The following SYBU variants were observed in gnomAD, a reference collection of about 807,000 sequenced individuals.
SYBU encodes syntabulin.
A neutral mutation model predicts 35.9 loss-of-function variants in SYBU; 21 were observed. The observed-to-expected ratio is 0.58, with a 90% CI of 0.41 to 0.84. The LOEUF (loss-of-function observed/expected upper bound fraction) is 0.84. Ranked by LOEUF, SYBU falls within the 40% of genes least tolerant of loss-of-function variation. The pLI is 0.00. For synonymous variants in SYBU, 319 were observed against 324.3 expected, an observed-to-expected ratio of 0.98 and a Z score of 0.18; for missense variants, 768 against 848.2, an observed-to-expected ratio of 0.91 and a Z score of 1.17.
At chr8:109,690,281 C>G (rs1032033833) in intron 1 of SYBU, among the ~76,000 whole-genome samples, 2 of 152,194 alleles carry the variant, frequency 1.3e-5, no homozygotes, top group Admixed American at 6.5e-5. Context: ...TCCAAATGTA[C>G]AAGTGGAGAA....
At chr8:109,638,297 C>T (rs1479991458) in intron 2 of SYBU, among the ~76,000 whole-genome samples, 1 of 152,174 alleles carries the variant, frequency 6.6e-6, no homozygotes, top group Non-Finnish European at 1.5e-5. Context: ...GACACACTCA[C>T]CTAGGTCATC....
chr8:109,678,661 G>T (rs566142305), intron 1 of SYBU, among the ~76,000 whole-genome samples: 1 of 151,946 alleles, frequency 6.6e-6, no homozygotes, highest in Admixed American at 6.6e-5. Flanking sequence ...GGATGGTCTC[G>T]ATCTCCTGAC....
intron 1 of SYBU, among the ~76,000 whole-genome samples, chr8:109,665,625 G>T (rs1216930560): frequency 6.6e-6 from 1 of 152,184 alleles, no homozygotes; most frequent in Non-Finnish European, 1.5e-5. Flanking sequence ...TGACCATGAA[G>T]CTCTCTTTGG....
At position 109,584,859 on chromosome 8, in the gene SYBU, T is replaced by G. The variant is rs1051452565; in HGVS notation, c.530+1201A>C. On this transcript the variant is annotated intron_variant, in intron 4 of 6. Transcript: ENST00000276646. The surrounding 1 kb of genome is among the most constrained non-coding windows in gnomAD (Gnocchi z 4.0). ...GAAGAGACCTTAAAAAGTCACACAG[T>G]ACAACTGTCTTTTGGATACCGTGGC... Among the ~76,000 whole-genome samples the G allele has an allele frequency of 6.6e-6, 1 of 152,140 alleles. No individual in the cohort carries two copies. The highest frequency in any genetic ancestry group is 2.1e-4 in the South Asian group (1 of 4,826).
At chr8:109,683,153 GA>G (rs1282898779), upstream of SYBU, among the ~76,000 whole-genome samples, 1 of 152,236 alleles carries the variant, frequency 6.6e-6, no homozygotes, top group Non-Finnish European at 1.5e-5. Flanking sequence ...AGAGCTGTGA[GA>G]AGAGGGCCAC....
chr8:109,615,649 A>C (rs116987980), intron 3 of SYBU, among the ~76,000 whole-genome samples: 376 of 152,344 alleles, frequency 2.5e-3, no homozygotes, highest in Non-Finnish European at 4.4e-3. Flanking sequence ...AAATATGAAT[A>C]AATAAAAAGA....
intron 1 of SYBU, among the ~76,000 whole-genome samples, chr8:109,651,448 CTTTTTTTT>C (rs535652540): frequency 1.6e-5 from 1 of 64,496 alleles, no homozygotes; most frequent in South Asian, 7.3e-4. Flanking sequence ...GAAATTGAGA[CTTTTTTTT>C]TTTTTTTTTT....
intron 6 of SYBU, among the ~76,000 whole-genome samples, chr8:109,577,537 G>A (rs967816994): frequency 2.0e-5 from 3 of 151,964 alleles, no homozygotes; most frequent in African/African-American, 4.8e-5. Context: ...GATTGTTCCC[G>A]CACGTGTTTT....
At chr8:109,631,227 T>G (rs190854000) in intron 2 of SYBU, among the ~76,000 whole-genome samples, 3 of 152,276 alleles carry the variant, frequency 2.0e-5, no homozygotes, top group Admixed American at 1.3e-4. Context: ...TCTTTTTTCT[T>G]TATAGATGGG....
At chr8:109,639,331 C>T (rs1814591557) in intron 2 of SYBU, among the ~76,000 whole-genome samples, 1 of 152,108 alleles carries the variant, frequency 6.6e-6, no homozygotes, top group Non-Finnish European at 1.5e-5. Flanking sequence ...AAGCTCATTA[C>T]ATTATCTTTT....
At chr8:109,597,478 G>A (rs752167086) in intron 3 of SYBU, among the ~76,000 whole-genome samples, 1 of 152,132 alleles carries the variant, frequency 6.6e-6, no homozygotes, top group Non-Finnish European at 1.5e-5. Context: ...AGCACTTTGG[G>A]AGGCTGAGAT....
intron 3 of SYBU, among the ~76,000 whole-genome samples, chr8:109,588,270 T>C (rs988245653): frequency 6.6e-6 from 1 of 152,152 alleles, no homozygotes; most frequent in East Asian, 1.9e-4. Flanking sequence ...TTGCGGAAAA[T>C]CCATTGTTAC....
intron 1 of SYBU, among the ~76,000 whole-genome samples, chr8:109,669,614 C>T (rs986027147): frequency 1.3e-5 from 2 of 152,096 alleles, no homozygotes; most frequent in Non-Finnish European, 2.9e-5. Context: ...CAATTAAATG[C>T]TTCTTTGGGT....
In SYBU at chr8:109,575,414, T is replaced by C. The variant is rs185384946; in HGVS notation, c.1484A>G (p.Tyr495Cys). 1 of 1,614,074 alleles carries C rather than the reference T, an allele frequency of 6.2e-7. No homozygotes were observed. ...ERAVQTDVVP[Y>C]SPAISELIQS... ...AATGAGCTCTGAGATGGCTGGGCTG[T>C]AGGGCACCACGTCGGTCTGAACGGC... is the stretch of plus-strand genomic sequence containing the variant. The change falls in exon 7 of 7, where the codon TAC becomes TGC. Residue 495 changes from tyrosine to cysteine, a missense_variant. Physicochemically the swap from Tyr to Cys is radical, Grantham distance 194. Coordinates refer to ENST00000276646, the MANE Select transcript of SYBU (RefSeq NM_001099754.2).
chr8:109,667,612 AT>A (rs1816805007), intron 1 of SYBU, among the ~76,000 whole-genome samples: 1 of 151,736 alleles, frequency 6.6e-6, no homozygotes, highest in East Asian at 1.9e-4. Context: ...CAAATTTTAC[AT>A]TTCTTGTTTT....
chr8:109,622,560 T>C (rs1278444292), intron 2 of SYBU, among the ~76,000 whole-genome samples: 8 of 152,262 alleles, frequency 5.3e-5, no homozygotes, highest in African/African-American at 1.9e-4. Context: ...CTGAGAATAG[T>C]AAAGCCAAGC....
rs571671546 is a variant in SYBU, at chr8:109,662,129, T to C, written c.-129+18582A>G. Among the ~76,000 whole-genome samples the C allele has an allele frequency of 9.2e-5, 14 of 152,340 alleles. No homozygotes were observed. The South Asian group carries it at 2.1e-3, about 23-fold the overall frequency. The stretch of plus-strand genomic sequence containing the variant: ...TTAGGAAGTGAGAAAGAGAATAGCA[T>C]AGATGTTAAGACCATTGGATCTAGA... On this transcript the variant is annotated intron_variant, in intron 1 of 5. Coordinates refer to the SYBU transcript ENST00000408889.
chr8:109,687,663 T>A (rs1332500442), intron 1 of SYBU, among the ~76,000 whole-genome samples: 1 of 152,220 alleles, frequency 6.6e-6, no homozygotes, highest in Non-Finnish European at 1.5e-5. Context: ...CCTGGGCTTC[T>A]AAGAATTACT....
chr8:109,653,109 T>A (rs1282060094), intron 1 of SYBU, among the ~76,000 whole-genome samples: 1 of 152,170 alleles, frequency 6.6e-6, no homozygotes, highest in Admixed American at 6.5e-5. Flanking sequence ...AGCTGAACAG[T>A]CAGGTAAATC....
Sources: gnomAD v4.1 joint callset for allele counts (sites outside exome capture counted in the v4.1 genomes callset) on GRCh38, gnomAD v4.1.1 for gene constraint, Gnocchi (gnomAD v3.1) non-coding constraint, MANE v1.5 for transcripts, NCBI Gene and HGNC (gene_info 2026-07-23, HGNC 2026-07-21) for gene names.